Variants in IQSEC1 observed in about 807,000 individuals in gnomAD.
IQSEC1 encodes IQ motif and SEC7 domain-containing protein 1.
Under a neutral mutation model 91.0 loss-of-function variants are expected in IQSEC1, and 31 were observed. The observed-to-expected ratio is 0.34, with a 90% confidence interval of 0.26 to 0.46. The LOEUF (loss-of-function observed/expected upper bound fraction) is 0.46. Ranked by LOEUF, IQSEC1 falls within the 20% of genes least tolerant of loss-of-function variation. The pLI, the probability that IQSEC1 is intolerant of heterozygous loss-of-function variation, is 1.00. For synonymous variants in IQSEC1, 699 were observed against 662.6 expected (o/e 1.05, Z -0.84); for missense variants, 1,388 against 1,575.6 (o/e 0.88, Z 2.02).
intron 1 of IQSEC1, among the ~76,000 whole-genome samples, chr3:13,218,720 C>G (rs1284037320): frequency 6.6e-6 from 1 of 152,186 alleles, no homozygotes; most frequent in Non-Finnish European, 1.5e-5. Flanking sequence ...TGACTGCCAC[C>G]CTCAAGGGTG....
At chr3:13,040,536 C>T (rs1321853767) in intron 1 of IQSEC1, among the ~76,000 whole-genome samples, 2 of 152,220 alleles carry the variant, frequency 1.3e-5, no homozygotes, top group Non-Finnish European at 2.9e-5. Flanking sequence ...GCCTCTCACA[C>T]TTGGACCACG....
At chr3:13,173,316 T>C (rs1234200882) in intron 1 of IQSEC1, among the ~76,000 whole-genome samples, 2 of 152,184 alleles carry the variant, frequency 1.3e-5, no homozygotes, top group Admixed American at 1.3e-4. Flanking sequence ...CCCCTCCCAC[T>C]GGCCTCGGAC....
intron 1 of IQSEC1, among the ~76,000 whole-genome samples, chr3:13,037,033 C>T (rs192227443): frequency 2.0e-5 from 3 of 152,304 alleles, no homozygotes; most frequent in Non-Finnish European, 4.4e-5. Flanking sequence ...GTGCCTCACC[C>T]TCCACCCCAG....
intron 1 of IQSEC1, chr3:12,960,621 T>C (rs1297924629): frequency 2.6e-5 from 4 of 152,264 alleles, no homozygotes; most frequent in Admixed American, 2.6e-4. Flanking sequence ...TTTCATTTTC[T>C]AGCCATTCTT....
At chr3:12,978,788 T>C (rs1472700575) in intron 1 of IQSEC1, among the ~76,000 whole-genome samples, 1 of 152,072 alleles carries the variant, frequency 6.6e-6, no homozygotes, top group Non-Finnish European at 1.5e-5. Flanking sequence ...AGGAGCAACC[T>C]GGTAGACAGG....
At chr3:13,118,998 C>T (rs560490309) in intron 2 of IQSEC1, among the ~76,000 whole-genome samples, 2 of 152,104 alleles carry the variant, frequency 1.3e-5, no homozygotes, top group Non-Finnish European at 2.9e-5. Context: ...TTGCTTGAAC[C>T]TGGGAGGCAA....
chr3:13,270,385 A>G (rs563436723), intron 1 of IQSEC1, among the ~76,000 whole-genome samples: 1 of 152,214 alleles, frequency 6.6e-6, no homozygotes, highest in Non-Finnish European at 1.5e-5. Context: ...AGGACCCCTT[A>G]AAGAAATAGC....
In IQSEC1 at chr3:13,022,054, C is replaced by T. The variant is rs927957021; in HGVS notation, c.23+50938G>A. On this transcript the variant is annotated intron_variant, in intron 1 of 13. Transcript: ENST00000613206. ...GTACCTGAGTGTCCTCACAGAGATG[C>T]AGTACTTCCACATAAGGCTCCACAC... 14 of 1,231,820 alleles carry T rather than the reference C, an allele frequency of 1.1e-5. No individual in the cohort carries two copies. The African/African-American group carries it at 1.2e-4, about 11-fold the overall frequency. The allele number at this position is 1,231,820 out of a possible 1,614,324, so 76.3% of individuals were successfully genotyped here.
rs186119580 is a variant in IQSEC1 at position 12,948,969 on chromosome 3, A to G, written c.24-7104T>C. ...AAGTATACACGGGTCTGAATTATAC[A>G]GCAGCAACTTCTCCACAAACCTGCC... is the stretch of plus-strand genomic sequence containing the variant. On this transcript the variant is annotated intron_variant, in intron 1 of 13. Coordinates refer to ENST00000613206, the MANE Select transcript of IQSEC1 (RefSeq NM_001134382.3). Among the ~76,000 whole-genome samples, 116 of 152,338 alleles carry G rather than the reference A, an allele frequency of 7.6e-4. 1 individual carries two copies. Among genetic ancestry groups the G allele is most frequent in the African/African-American group, 2.7e-3 (114 of 41,586 alleles).
At chr3:13,205,883 C>A (rs1694334522) in intron 1 of IQSEC1, among the ~76,000 whole-genome samples, 1 of 148,002 alleles carries the variant, frequency 6.8e-6, no homozygotes. Flanking sequence ...CATCGATCCC[C>A]CCATTCATCC....
At chr3:13,003,988 T>C (rs1702531840) in intron 1 of IQSEC1, among the ~76,000 whole-genome samples, 1 of 152,230 alleles carries the variant, frequency 6.6e-6, no homozygotes, top group Non-Finnish European at 1.5e-5. Flanking sequence ...TCTGGGTGAA[T>C]GGTACACGGG....
At chr3:12,913,175 A>G (rs907843884) in intron 9 of IQSEC1, among the ~76,000 whole-genome samples, 1 of 152,244 alleles carries the variant, frequency 6.6e-6, no homozygotes, top group African/African-American at 2.4e-5. Flanking sequence ...AGGTGCAGAC[A>G]GCACACAGGA....
At chr3:13,131,447 G>GC (rs1193951898) in intron 2 of IQSEC1, among the ~76,000 whole-genome samples, 11 of 144,768 alleles carry the variant, frequency 7.6e-5, no homozygotes, top group Non-Finnish European at 1.7e-4. Flanking sequence ...ACTTAATGTG[G>GC]TTATTGAAAT....
intron 2 of IQSEC1, among the ~76,000 whole-genome samples, chr3:13,132,230 CT>C (rs1326617098): frequency 6.6e-6 from 1 of 152,204 alleles, no homozygotes; most frequent in Non-Finnish European, 1.5e-5. Flanking sequence ...CAGTTTAGAG[CT>C]AATTGTTTCC....
At chr3:13,016,087 G>C (rs1384874366) in intron 1 of IQSEC1, among the ~76,000 whole-genome samples, 4 of 148,576 alleles carry the variant, frequency 2.7e-5, no homozygotes, top group Non-Finnish European at 6.0e-5. Flanking sequence ...TGGGCCCAAA[G>C]GGGACCCAGG....
At chr3:13,250,316 A>G (rs1389880209) in intron 1 of IQSEC1, among the ~76,000 whole-genome samples, 1 of 152,024 alleles carries the variant, frequency 6.6e-6, no homozygotes, top group African/African-American at 2.4e-5. Flanking sequence ...GGGATGACAG[A>G]GGCTAGGACA....
chr3:12,943,407 G>A (rs548191276), intron 1 of IQSEC1, among the ~76,000 whole-genome samples: 2 of 152,178 alleles, frequency 1.3e-5, no homozygotes, highest in Non-Finnish European at 2.9e-5. Context: ...CTCAGTGTAG[G>A]ACGAGCAGGG....
chr3:13,254,729 C>T (rs1212636271), intron 1 of IQSEC1, among the ~76,000 whole-genome samples: 1 of 152,248 alleles, frequency 6.6e-6, no homozygotes, highest in African/African-American at 2.4e-5. Context: ...TACCACTCTA[C>T]TGCCCAGCGA....
At chr3:13,167,505 C>T (rs532515566) in intron 1 of IQSEC1, among the ~76,000 whole-genome samples, 2 of 152,220 alleles carry the variant, frequency 1.3e-5, no homozygotes, top group Admixed American at 6.5e-5. Flanking sequence ...GAAGTCTGCA[C>T]GCATCAGCCT....
Sources: gnomAD v4.1 joint callset for allele counts (sites outside exome capture counted in the v4.1 genomes callset) on GRCh38, gnomAD v4.1.1 for gene constraint, MANE v1.5 for transcripts, NCBI Gene and HGNC (gene_info 2026-07-23, HGNC 2026-07-21) for gene names.